ABCB11: variants seen among roughly 807,000 people sequenced by gnomAD.
The protein encoded by ABCB11 is ATP binding cassette subfamily B member 11, also known as bile salt export pump.
ABCB11 carries 95 observed loss-of-function variants against 148.0 expected under a neutral mutation model. That is an observed-to-expected ratio of 0.64 (90% CI 0.54 to 0.76). The LOEUF is 0.76. Among genes scored for constraint, ABCB11 ranks in the 30% least tolerant of loss-of-function variants. ABCB11 has a pLI of 0.00. For synonymous variants in ABCB11, 591 were observed against 555.4 expected (o/e 1.06, Z -0.90); for missense variants, 1,523 against 1,617.8 (o/e 0.94, Z 1.01).
At chr2:169,001,926 G>T (rs767499563) in intron 5 of ABCB11, among the ~76,000 whole-genome samples, 2 of 152,020 alleles carry the variant, frequency 1.3e-5, no homozygotes, top group Non-Finnish European at 2.9e-5. Flanking sequence ...TGTTATGTTT[G>T]TTTTACATAT....
At chr2:169,027,673 A>G (rs1695741488) in intron 1 of ABCB11, among the ~76,000 whole-genome samples, 1 of 152,268 alleles carries the variant, frequency 6.6e-6, no homozygotes, top group Non-Finnish European at 1.5e-5. Flanking sequence ...AGTACCACAA[A>G]GGTCCTGAGG....
Position 168,996,624 on chromosome 2 carries a change from G to T in ABCB11, c.477+11C>A. 1 of 1,443,860 alleles carries T rather than the reference G, an allele frequency of 6.9e-7. No homozygotes were observed. Among genetic ancestry groups the T allele is most frequent in the Non-Finnish European group, 9.3e-7 (1 of 1,073,732 alleles). The allele number at this position is 1,443,860 out of a possible 1,614,324, so 89.4% of individuals were successfully genotyped here. A position where few individuals can be genotyped will look rare whatever the true frequency, so the allele number is the denominator to read the frequency against. On this transcript the variant is annotated intron_variant, in intron 6 of 27. Transcript: ENST00000650372. ...ATATTGATCTATAAATTATACGGAG[G>T]AGCTACTAACTTGAATATATCCTGT...
At chr2:168,968,834 C>T (rs1574445817) in intron 16 of ABCB11, among the ~76,000 whole-genome samples, 1 of 151,140 alleles carries the variant, frequency 6.6e-6, no homozygotes, top group Non-Finnish European at 1.5e-5. Context: ...AAAGTCTATT[C>T]AGAATAACCC....
At chr2:168,944,191 G>T (rs1240048774) in intron 21 of ABCB11, among the ~76,000 whole-genome samples, 1 of 151,998 alleles carries the variant, frequency 6.6e-6, no homozygotes, top group African/African-American at 2.4e-5. Flanking sequence ...TCCAGAGGCT[G>T]CCCAGGACAG....
At chr2:168,942,260 T>A (rs1038003238) in intron 21 of ABCB11, among the ~76,000 whole-genome samples, 4 of 151,878 alleles carry the variant, frequency 2.6e-5, no homozygotes, top group African/African-American at 7.2e-5. Flanking sequence ...AGAGTCTTGT[T>A]TGTATGTCTC....
intron 8 of ABCB11, among the ~76,000 whole-genome samples, chr2:168,991,767 T>C (rs2106006607): frequency 6.6e-6 from 1 of 151,746 alleles, no homozygotes; most frequent in East Asian, 1.9e-4. Context: ...AAAAACAATA[T>C]ATTAATTTCA....
intron 1 of ABCB11, among the ~76,000 whole-genome samples, chr2:169,030,125 T>A (rs1695824151): frequency 6.6e-6 from 1 of 152,190 alleles, no homozygotes; most frequent in African/African-American, 2.4e-5. Flanking sequence ...AATTGTAGCA[T>A]CTTTTAAAAC....
Position 168,936,451 on chromosome 2 carries a change from A to G in ABCB11, c.2611-18T>C. On this transcript the variant is annotated intron_variant, in intron 21 of 27. Coordinates refer to ENST00000650372, the MANE Select transcript of ABCB11 (RefSeq NM_003742.4). The stretch of plus-strand genomic sequence containing the variant: ...CCGGCAGCCTGCAAACCAAAAAGCA[A>G]TCAACCCGTCTCAGACACACAGTCG... 1 of 1,613,168 alleles carries G rather than the reference A, an allele frequency of 6.2e-7. No individual in the cohort carries two copies.
chr2:169,023,634 AACAAG>A (rs1159521278), intron 1 of ABCB11, among the ~76,000 whole-genome samples: 2 of 152,252 alleles, frequency 1.3e-5, no homozygotes, highest in Non-Finnish European at 2.9e-5. Flanking sequence ...AGTTTAAACA[AACAAG>A]ACAAAGTTTC....
rs1312754561 is a variant in ABCB11, at chr2:168,983,209, T to A, written c.1083+2901A>T. 3.9e-5 allele frequency among the ~76,000 whole-genome samples: 6 copies of A among 152,184 alleles called. No homozygotes were observed. The East Asian group carries it at 1.2e-3, about 29-fold the overall frequency. On this transcript the variant is annotated intron_variant, in intron 10 of 27. Transcript: ENST00000650372. The stretch of plus-strand genomic sequence containing the variant: ...TTATTGTATACCTCTATCCTCTCCT[T>A]GTAGGCATGGAACAAAAGGAAAAAT...
chr2:168,945,386 C>T (rs1022948427), intron 19 of ABCB11, among the ~76,000 whole-genome samples: 7 of 151,732 alleles, frequency 4.6e-5, no homozygotes, highest in South Asian at 2.1e-4. Context: ...CTCTGTGGGG[C>T]GGAAAACCTG....
chr2:168,915,451 TATTA>T (rs1381118787), downstream of ABCB11, among the ~76,000 whole-genome samples: 2 of 152,216 alleles, frequency 1.3e-5, no homozygotes, highest in Admixed American at 6.5e-5. Context: ...AGTAAGATTG[TATTA>T]ATTTTTAGTT....
At chr2:168,962,664 G>C (rs1245995589) in intron 18 of ABCB11, among the ~76,000 whole-genome samples, 1 of 151,634 alleles carries the variant, frequency 6.6e-6, no homozygotes, top group Non-Finnish European at 1.5e-5. Context: ...TATTGTTATG[G>C]TTCAATAGAA....
intron 17 of ABCB11, among the ~76,000 whole-genome samples, chr2:168,964,825 CA>C (rs1558889999): frequency 6.6e-6 from 1 of 151,840 alleles, no homozygotes; most frequent in Non-Finnish European, 1.5e-5. Context: ...TTCAGACATG[CA>C]TGAATGAGTA....
At chr2:169,019,682 G>A (rs1035989745) in intron 1 of ABCB11, among the ~76,000 whole-genome samples, 2 of 152,158 alleles carry the variant, frequency 1.3e-5, no homozygotes, top group Admixed American at 6.5e-5. Flanking sequence ...TCAAACTGTA[G>A]TAAAGCATCA....
chr2:169,012,850 A>G (rs1695230220), intron 5 of ABCB11, among the ~76,000 whole-genome samples: 1 of 152,154 alleles, frequency 6.6e-6, no homozygotes, highest in African/African-American at 2.4e-5. Context: ...TACAGATGGA[A>G]GGGTTAAGAT....
Position 168,973,765 on chromosome 2 carries a change from T to G in ABCB11, c.1384A>C (p.Ser462Arg). The change falls in exon 13 of 28, where the codon AGT (serine) becomes CGT (arginine). Residue 462 changes from serine (S) to arginine (R), a missense_variant. Ser to Arg is a moderately radical substitution (Grantham distance 110, BLOSUM62 -1). Transcript: ENST00000650372. ...CGCTGAATGAGTTGCAGTGCTGTACTTTTTCCAGCTCCACTGGGTCCTACC... is the reference window on the plus strand; with the variant it reads ...CGCTGAATGAGTTGCAGTGCTGTACGTTTTCCAGCTCCACTGGGTCCTACC... ...ALVGPSGAGK[S>R]TALQLIQRFY... 1 of 1,612,188 alleles carries G rather than the reference T, an allele frequency of 6.2e-7. No individual in the cohort carries two copies. Among genetic ancestry groups the G allele is most frequent in the Non-Finnish European group, 8.5e-7 (1 of 1,178,642 alleles).
At position 168,923,320 on chromosome 2, in the gene ABCB11, C is replaced by T; in HGVS notation, c.*302G>A. On this transcript the variant is annotated 3_prime_UTR_variant, in exon 28 of 28. Transcript: ENST00000650372. ...ACTAATTCCCACATATTAATCAGGA[C>T]TGGCTCCTGCACAGAGAAGCACTGA... The T allele has an allele frequency of 2.1e-6, 1 of 470,786 alleles. No homozygotes were observed. The highest frequency in any genetic ancestry group is 3.8e-6 in the Non-Finnish European group (1 of 261,846). The allele number at this position is 470,786 out of a possible 1,614,324, so 29.2% of individuals were successfully genotyped here. A position where few individuals can be genotyped will look rare whatever the true frequency, so the allele number is the denominator to read the frequency against.
chr2:168,989,109 T>C (rs1159038468), intron 9 of ABCB11, among the ~76,000 whole-genome samples: 1 of 152,106 alleles, frequency 6.6e-6, no homozygotes, highest in African/African-American at 2.4e-5. Flanking sequence ...TTGCTTCCTT[T>C]TTGAAGCTTT....
Sources: gnomAD v4.1 joint callset for allele counts (sites outside exome capture counted in the v4.1 genomes callset) on GRCh38, gnomAD v4.1.1 for gene constraint, MANE v1.5 for transcripts, NCBI Gene and HGNC (gene_info 2026-07-23, HGNC 2026-07-21) for gene names.